The following CDH4 variants were observed in gnomAD, a reference collection of about 807,000 sequenced individuals.
CDH4 encodes cadherin-4.
Under a neutral mutation model 86.0 loss-of-function variants are expected in CDH4, and 33 were observed. The observed-to-expected ratio is 0.38, with a 90% CI of 0.29 to 0.51. The LOEUF (loss-of-function observed/expected upper bound fraction) is 0.51, where lower values mean the gene tolerates loss of function less well. CDH4 is among the 20% of genes least tolerant of loss of function. CDH4 has a pLI of 0.86. For missense variants in CDH4, 1,114 were observed against 1,307.4 expected (o/e 0.85, Z 2.28); for synonymous variants, 555 against 549.4 (o/e 1.01, Z -0.14).
chr20:61,738,060 C>T (rs1286470361), intron 2 of CDH4, among the ~76,000 whole-genome samples: 1 of 152,178 alleles, frequency 6.6e-6, no homozygotes, highest in Non-Finnish European at 1.5e-5. Flanking sequence ...GTTCCCCTCC[C>T]CACCCTCTGG....
intron 2 of CDH4, among the ~76,000 whole-genome samples, chr20:61,671,092 AGATGGGTGGATGGATGATGAATAGGTG>A (rs1419391039): frequency 2.0e-5 from 3 of 152,116 alleles, no homozygotes; most frequent in African/African-American, 7.2e-5. Flanking sequence ...AGGGATGGGT[AGATGGGTGGATGGATGATGAATAGGTG>A]GATGGGTGGA....
intron 2 of CDH4, among the ~76,000 whole-genome samples, chr20:61,696,277 G>A (rs1170399655): frequency 1.3e-5 from 2 of 152,260 alleles, no homozygotes; most frequent in African/African-American, 2.4e-5. Flanking sequence ...GAAGCTCCGA[G>A]GCCTTTACAG....
At chr20:61,408,765 A>AT (rs1412875473) in intron 2 of CDH4, among the ~76,000 whole-genome samples, 1 of 152,074 alleles carries the variant, frequency 6.6e-6, no homozygotes, top group Non-Finnish European at 1.5e-5. Flanking sequence ...GAAGCAGCTT[A>AT]TTTTTTATAT....
chr20:61,748,292 C>T (rs2088444229), intron 3 of CDH4, among the ~76,000 whole-genome samples: 2 of 152,168 alleles, frequency 1.3e-5, no homozygotes. Context: ...GCCACCATGA[C>T]CAGCTAATTT....
chr20:61,583,054 C>T (rs1339633510), intron 2 of CDH4, among the ~76,000 whole-genome samples: 3 of 151,168 alleles, frequency 2.0e-5, no homozygotes, highest in Non-Finnish European at 2.9e-5. Context: ...CTTGGTTTTC[C>T]AGATGTTCTT....
rs73314669 is a variant in CDH4, at chr20:61,393,017, C to T, written c.169+138080C>T. Among the ~76,000 whole-genome samples the T allele has an allele frequency of 0.031, 4,705 of 152,258 alleles. 256 individuals are homozygous for T. The highest frequency in any genetic ancestry group is 0.11 in the African/African-American group (4,410 of 41,528). ...GCTCAGGGCTTGACGGGATAGAAAACGTGAGGACAGAGCAGCTGCGGGGCC... is the reference window on the plus strand; with the variant it reads ...GCTCAGGGCTTGACGGGATAGAAAATGTGAGGACAGAGCAGCTGCGGGGCC... On this transcript the variant is annotated intron_variant, in intron 2 of 15. Transcript: ENST00000614565. This position sits in a 1 kb window ranked among gnomAD's most constrained non-coding sequence, Gnocchi z 4.3.
At chr20:61,583,503 G>A (rs1305279334) in intron 2 of CDH4, among the ~76,000 whole-genome samples, 6 of 152,138 alleles carry the variant, frequency 3.9e-5, no homozygotes, top group Non-Finnish European at 8.8e-5. Context: ...GGCATCCAGG[G>A]GCAGGGGACA....
chr20:61,297,685 A>C (rs2123197309), intron 2 of CDH4, among the ~76,000 whole-genome samples: 1 of 152,368 alleles, frequency 6.6e-6, no homozygotes, highest in Middle Eastern at 3.4e-3. Context: ...CCTGCCACCT[A>C]GAGCAGGCTG....
intron 2 of CDH4, among the ~76,000 whole-genome samples, chr20:61,654,753 C>A (rs2087168452): frequency 6.6e-6 from 1 of 152,250 alleles, no homozygotes; most frequent in Admixed American, 6.5e-5. Context: ...CCACTGTCAG[C>A]TTTGCCCAGG....
chr20:61,267,505 G>A (rs8114327), intron 2 of CDH4, among the ~76,000 whole-genome samples: 2,183 of 152,278 alleles, frequency 0.014, 53 homozygotes, highest in African/African-American at 0.049. Flanking sequence ...GGCAAATGAG[G>A]CACTTTAGTG....
At chr20:61,765,257 G>A (rs541155615) in intron 3 of CDH4, among the ~76,000 whole-genome samples, 29 of 152,242 alleles carry the variant, frequency 1.9e-4, no homozygotes, top group African/African-American at 5.5e-4. Context: ...CCACAGCCTC[G>A]TGTAAGTAAG....
chr20:61,451,288 C>T (rs530488894), intron 2 of CDH4, among the ~76,000 whole-genome samples: 1 of 152,158 alleles, frequency 6.6e-6, no homozygotes, highest in East Asian at 1.9e-4. Context: ...GGAAACGGCA[C>T]GGACCACCAT....
intron 2 of CDH4, among the ~76,000 whole-genome samples, chr20:61,324,419 C>T (rs958524667): frequency 6.6e-6 from 1 of 152,160 alleles, no homozygotes; most frequent in Admixed American, 6.5e-5. Context: ...GAGCCATGCT[C>T]CCTCCGGTAG....
chr20:61,736,137 A>G (rs138205468), intron 2 of CDH4, among the ~76,000 whole-genome samples: 63 of 152,218 alleles, frequency 4.1e-4, no homozygotes, highest in African/African-American at 1.5e-3. Flanking sequence ...CCTCCATGCA[A>G]CATCTCCTGG....
Position 61,480,878 on chromosome 20 carries a change from A to G in CDH4, c.169+225941A>G, listed in dbSNP as rs1190880468. Among the ~76,000 whole-genome samples the G allele has an allele frequency of 1.3e-5, 2 of 152,220 alleles. No homozygotes were observed. The highest frequency in any genetic ancestry group is 6.5e-5 in the Admixed American group (1 of 15,282). ...TTGGCTGTGCATTAGGTCTGCTCCT[A>G]CATGCATTGCCCTCACATGGATTTG... is the stretch of plus-strand genomic sequence containing the variant. On this transcript the variant is annotated intron_variant, in intron 2 of 15. Coordinates refer to ENST00000614565, the MANE Select transcript of CDH4 (RefSeq NM_001794.5). The surrounding 1 kb of genome is among the most constrained non-coding windows in gnomAD (Gnocchi z 5.2).
In CDH4 at chr20:61,304,497, G is replaced by A. The variant is rs1177555365; in HGVS notation, c.169+49560G>A. ...TTGGTCGTGTTGTGTGTGTGTGAAT[G>A]TGTGTGTATGTGCTGTGTTTGTTGT... On this transcript the variant is annotated intron_variant, in intron 2 of 15. Transcript: ENST00000614565. Among the ~76,000 whole-genome samples the A allele has an allele frequency of 5.3e-5, 8 of 152,068 alleles. 1 individual carries two copies. The East Asian group carries it at 9.7e-4, about 18-fold the overall frequency.
intron 2 of CDH4, among the ~76,000 whole-genome samples, chr20:61,696,988 A>C (rs1240683381): frequency 6.6e-6 from 1 of 152,114 alleles, no homozygotes; most frequent in Admixed American, 6.5e-5. Context: ...ACAAGTAAGG[A>C]ATGTCCGGAG....
At chr20:61,770,049 GAAAGC>G (rs757285594) in intron 3 of CDH4, among the ~76,000 whole-genome samples, 18 of 152,178 alleles carry the variant, frequency 1.2e-4, no homozygotes, top group Non-Finnish European at 2.4e-4. Flanking sequence ...TCTGGGCGAG[GAAAGC>G]ATGGAGTCCA....
chr20:61,443,536 TC>T (rs572836992), intron 2 of CDH4, among the ~76,000 whole-genome samples: 108 of 152,300 alleles, frequency 7.1e-4, no homozygotes, highest in African/African-American at 2.6e-3. Context: ...ACCTTTCTTC[TC>T]CTGATCACAC....
Sources: allele counts gnomAD v4.1 joint callset (sites outside exome capture counted in the v4.1 genomes callset), GRCh38; gene constraint gnomAD v4.1.1; non-coding constraint Gnocchi (gnomAD v3.1); transcripts MANE v1.5; gene names NCBI Gene and HGNC (gene_info 2026-07-23, HGNC 2026-07-21).